ROCK2: variants seen among roughly 807,000 people sequenced by gnomAD.
ROCK2 encodes Rho associated coiled-coil containing protein kinase 2.
A neutral mutation model predicts 195.1 loss-of-function variants in ROCK2; 61 were observed. The observed-to-expected ratio is 0.31, with a 90% confidence interval of 0.25 to 0.39. The LOEUF is 0.39. ROCK2 is among the 10% of genes least tolerant of loss of function. The pLI is 1.00. For missense variants in ROCK2, 1,109 were observed against 1,637.4 expected (o/e 0.68, Z 5.57); for synonymous variants, 504 against 545.5 (o/e 0.92, Z 1.06).
chr2:11,305,537 A>G (rs1667834376), intron 1 of ROCK2, among the ~76,000 whole-genome samples: 1 of 152,116 alleles, frequency 6.6e-6, no homozygotes, highest in African/African-American at 2.4e-5. Context: ...TGTACAATAG[A>G]TACTCCCATA....
At chr2:11,290,682 G>C (rs778973154) in intron 1 of ROCK2, among the ~76,000 whole-genome samples, 55 of 151,958 alleles carry the variant, frequency 3.6e-4, no homozygotes, top group Admixed American at 8.5e-4. Flanking sequence ...AAGTCACAGA[G>C]GTCTATTGGA....
At chr2:11,296,001 GAGA>G (rs1558369786) in intron 1 of ROCK2, among the ~76,000 whole-genome samples, 31 of 22,944 alleles carry the variant, frequency 1.4e-3, no homozygotes, top group Middle Eastern at 0.017. Flanking sequence ...GAGAGAGAGA[GAGA>G]GGAGAGAGAG....
chr2:11,308,612 G>A lies in ROCK2; in HGVS notation c.142-20876C>T. 3.4e-6 allele frequency: 5 copies of A among 1,475,714 alleles called. No individual in the cohort carries two copies. The South Asian group carries it at 5.7e-5, about 17-fold the overall frequency. 91.4% of individuals were successfully genotyped at this position (1,475,714 alleles called of 1,614,324 possible). A position where few individuals can be genotyped will look rare whatever the true frequency, so the allele number is the denominator to read the frequency against. ...TACAGTTAGTGTAAAGGATCTGAAT[G>A]GCATAGACTTAACTCCTGTGCAAGA... is the stretch of plus-strand genomic sequence containing the variant. On this transcript the variant is annotated intron_variant, in intron 1 of 32. Coordinates refer to ENST00000315872, the MANE Select transcript of ROCK2 (RefSeq NM_004850.5).
At chr2:11,189,902 G>A (rs1428518043) in intron 32 of ROCK2, among the ~76,000 whole-genome samples, 1 of 152,070 alleles carries the variant, frequency 6.6e-6, no homozygotes, top group African/African-American at 2.4e-5. Flanking sequence ...TGAGGTGGGA[G>A]AATAATCAGT....
chr2:11,214,389 G>T lies in ROCK2; in HGVS notation c.2011C>A (p.Gln671Lys). The T allele has an allele frequency of 3.1e-6, 5 of 1,603,096 alleles. No individual in the cohort carries two copies. In the South Asian group the frequency reaches 4.4e-5, roughly 14 times the overall value. The change falls in exon 17 of 33, where the codon CAA becomes AAA. Residue 671 changes from glutamine (Q) to lysine (K), a missense_variant. Physicochemically the swap from Gln to Lys is moderately conservative, Grantham distance 53. Transcript: ENST00000315872. Reference protein sequence around the residue: ...LLAKVELEKRQLQERFTDLEK... With the variant: ...LLAKVELEKRKLQERFTDLEK... ...AAATCAGTAAATCTCTCCTGAAGTTGTCTCTTCTCCAGTTCTACTTTCGCT... is the reference window on the plus strand; with the variant it reads ...AAATCAGTAAATCTCTCCTGAAGTTTTCTCTTCTCCAGTTCTACTTTCGCT...
At chr2:11,342,713 C>A (rs1180241987) in intron 1 of ROCK2, among the ~76,000 whole-genome samples, 1 of 152,252 alleles carries the variant, frequency 6.6e-6, no homozygotes, top group Non-Finnish European at 1.5e-5. Flanking sequence ...CTTTCAAAGA[C>A]TGCTCCCATT....
Position 11,180,361 on chromosome 2 carries a change from A to G in ROCK2, c.*3076T>C, listed in dbSNP as rs1662934836. The G allele has an allele frequency of 2.0e-5, 3 of 152,330 alleles. No individual in the cohort carries two copies. The East Asian group carries it at 5.8e-4, about 29-fold the overall frequency. The allele number at this position is 152,330 out of a possible 1,614,324, so 9.4% of individuals were successfully genotyped here. A position where few individuals can be genotyped will look rare whatever the true frequency, so the allele number is the denominator to read the frequency against. ...AAATAGATACTTTAGAGCCAGATTCATGTAACTCTAACACAGGTTAGTTTT... is the reference window on the plus strand; with the variant it reads ...AAATAGATACTTTAGAGCCAGATTCGTGTAACTCTAACACAGGTTAGTTTT... On this transcript the variant is annotated 3_prime_UTR_variant, in exon 33 of 33. Coordinates refer to ENST00000315872, the MANE Select transcript of ROCK2 (RefSeq NM_004850.5).
At chr2:11,263,979 T>C (rs1470741127) in intron 3 of ROCK2, among the ~76,000 whole-genome samples, 2 of 102,694 alleles carry the variant, frequency 1.9e-5, no homozygotes, top group African/African-American at 3.1e-5. Flanking sequence ...AGAAAAAAGA[T>C]GAAAAAAAAA....
At chr2:11,327,406 A>G (rs1342691064) in intron 1 of ROCK2, among the ~76,000 whole-genome samples, 1 of 152,184 alleles carries the variant, frequency 6.6e-6, no homozygotes, top group Non-Finnish European at 1.5e-5. Context: ...AATTAAGCGA[A>G]AAGAAAGACA....
At chr2:11,306,896 A>C (rs1667875477) in intron 1 of ROCK2, among the ~76,000 whole-genome samples, 1 of 152,216 alleles carries the variant, frequency 6.6e-6, no homozygotes, top group Admixed American at 6.5e-5. Context: ...ACAGAGAGGA[A>C]TTAACTATAG....
intron 3 of ROCK2, among the ~76,000 whole-genome samples, chr2:11,264,340 ATAT>A (rs776989316): frequency 3.9e-5 from 6 of 152,308 alleles, no homozygotes; most frequent in Non-Finnish European, 7.4e-5. Flanking sequence ...GACTGGAGAA[ATAT>A]TATGAAAGCA....
chr2:11,189,572 T>C (rs895466139), intron 32 of ROCK2, among the ~76,000 whole-genome samples: 1 of 152,232 alleles, frequency 6.6e-6, no homozygotes, highest in Non-Finnish European at 1.5e-5. Flanking sequence ...GAGAACAAAA[T>C]ATCCTCAGTT....
chr2:11,199,573 C>T (rs1663777936), intron 23 of ROCK2, among the ~76,000 whole-genome samples: 1 of 151,734 alleles, frequency 6.6e-6, no homozygotes, highest in Non-Finnish European at 1.5e-5. Context: ...TCAAGCAATA[C>T]TCCCACCTTC....
At chr2:11,302,120 A>G (rs866205752) in intron 1 of ROCK2, among the ~76,000 whole-genome samples, 1 of 152,192 alleles carries the variant, frequency 6.6e-6, no homozygotes, top group South Asian at 2.1e-4. Context: ...ACTATGGTTT[A>G]AAAGAAATAA....
chr2:11,277,760 T>C (rs1047177768), intron 3 of ROCK2, among the ~76,000 whole-genome samples: 4 of 152,214 alleles, frequency 2.6e-5, no homozygotes, highest in African/African-American at 9.6e-5. Flanking sequence ...TCCCAAGATT[T>C]TGCAATTGTG....
At chr2:11,246,378 C>T (rs1665615701) in intron 4 of ROCK2, among the ~76,000 whole-genome samples, 1 of 151,874 alleles carries the variant, frequency 6.6e-6, no homozygotes, top group African/African-American at 2.4e-5. Context: ...AAAGATATAC[C>T]TGAACTTAAA....
chr2:11,317,495 T>C (rs898265308), intron 1 of ROCK2, among the ~76,000 whole-genome samples: 11 of 145,814 alleles, frequency 7.5e-5, no homozygotes, highest in African/African-American at 2.8e-4. Flanking sequence ...GGACATAAAA[T>C]GTCTGTAAAA....
intron 3 of ROCK2, among the ~76,000 whole-genome samples, chr2:11,270,474 C>T (rs1226223200): frequency 6.6e-6 from 1 of 151,974 alleles, no homozygotes; most frequent in African/African-American, 2.4e-5. Flanking sequence ...TTCTTGTATT[C>T]CCATTACACA....
chr2:11,220,086 G>A (rs896571745), intron 9 of ROCK2, among the ~76,000 whole-genome samples: 4 of 152,062 alleles, frequency 2.6e-5, no homozygotes, highest in African/African-American at 9.7e-5. Flanking sequence ...GCACGATCTC[G>A]TTTCAACCAC....
Sources: allele counts gnomAD v4.1 joint callset (sites outside exome capture counted in the v4.1 genomes callset), GRCh38; gene constraint gnomAD v4.1.1; transcripts MANE v1.5; gene names NCBI Gene and HGNC (gene_info 2026-07-23, HGNC 2026-07-21).